MPI: variants seen among roughly 807,000 people sequenced by gnomAD.
MPI encodes the protein mannose phosphate isomerase, also known as mannose-6-phosphate isomerase.
In MPI, 33 loss-of-function variants were observed where a neutral mutation model predicts 40.1. That is an observed-to-expected ratio of 0.82 (90% CI 0.62 to 1.10). MPI has a LOEUF of 1.10. Among genes scored for constraint, MPI ranks in the 50% least tolerant of loss-of-function variants. MPI has a pLI of 0.00. For missense variants in MPI, 514 were observed against 524.1 expected, an observed-to-expected ratio of 0.98 and a Z score of 0.19; for synonymous variants, 187 against 207.4, an observed-to-expected ratio of 0.90 and a Z score of 0.85.
chr15:74,896,202 C>G lies in MPI; in HGVS notation c.721C>G (p.Leu241Val). The G allele has an allele frequency of 6.2e-7, 1 of 1,614,206 alleles. No individual in the cohort carries two copies. Residue 241 changes from leucine to valine, a missense_variant, in exon 6 of 8, where the codon CTG becomes GTG. Leu to Val is a conservative substitution (Grantham distance 32). Coordinates refer to ENST00000352410, the MANE Select transcript of MPI (RefSeq NM_002435.3). ...CATCTTTGGGGAGCTTTTGCTACAG[C>G]TGCACCAGCAGTACCCAGGTGATAT... ...EDIFGELLLQ[L>V]HQQYPGDIGC...
chr15:74,896,171 G>T lies in MPI; in HGVS notation c.690G>T (p.Met230Ile). ...ISQQAAAGNN[M>I]EDIFGELLLQ... Reference sequence around the variant, plus strand: ...CCTCAGCGGCTGCCGGAAACAACATGGAGGACATCTTTGGGGAGCTTTTGC... The same window carrying T: ...CCTCAGCGGCTGCCGGAAACAACATTGAGGACATCTTTGGGGAGCTTTTGC... Residue 230 changes from methionine (M) to isoleucine (I), a missense_variant, in exon 6 of 8, where the codon ATG becomes ATT. By Grantham distance (10) the Met-to-Ile change is conservative. Transcript: ENST00000352410. 1 of 1,614,156 alleles carries T rather than the reference G, an allele frequency of 6.2e-7. No individual in the cohort carries two copies. Among genetic ancestry groups the T allele is most frequent in the African/African-American group, 1.3e-5 (1 of 75,046 alleles).
chr15:74,894,654 G>C (rs1193293061), intron 5 of MPI, among the ~76,000 whole-genome samples: 1 of 150,812 alleles, frequency 6.6e-6, no homozygotes, highest in Non-Finnish European at 1.5e-5. Flanking sequence ...GGGCATGGTG[G>C]TGTGTGCCTG....
intron 7 of MPI, 118 bp from the exon 8 acceptor site, chr15:74,897,394 C>G: frequency 7.6e-7 from 1 of 1,311,836 alleles, no homozygotes; most frequent in Non-Finnish European, 1.1e-6. Flanking sequence ...GCTGACTGAG[C>G]CTGGGTTGTG....
intron 5 of MPI, among the ~76,000 whole-genome samples, chr15:74,894,088 GTGTGTGTGTGTGTGTGTGT>G (rs1567267182): frequency 3.3e-5 from 2 of 59,756 alleles, no homozygotes; most frequent in African/African-American, 7.9e-5. Flanking sequence ...GTGTGTGTGT[GTGTGTGTGTGTGTGTGTGT>G]GGTCTCTTTC....
rs376746368 is a variant in MPI, at chr15:74,890,571, A to G, written c.61A>G (p.Met21Val). ...CAVQQYAWGK[M>V]GSNSEVARLL... ...GGTGCAGCAGTATGCCTGGGGGAAG[A>G]TGGGTTCCAACAGCGAAGTGGCGCG... Residue 21 changes from methionine (M) to valine (V), a missense_variant, in exon 2 of 8, where the codon ATG becomes GTG. Met to Val is a conservative substitution (Grantham distance 21, BLOSUM62 1). Transcript: ENST00000352410. 64 of 1,614,028 alleles carry G rather than the reference A, an allele frequency of 4.0e-5. No homozygotes were observed. The Admixed American group carries it at 1.0e-3, about 26-fold the overall frequency.
chr15:74,894,039 AGTGTGTGTGTGTGTGTGTGTGTGT>A (rs1163375284), intron 5 of MPI, among the ~76,000 whole-genome samples: 801 of 57,018 alleles, frequency 0.014, 28 homozygotes, highest in African/African-American at 0.035. Flanking sequence ...TTTTCTGTTC[AGTGTGTGTGTGTGTGTGTGTGTGT>A]GTGTGTGTGT....
chr15:74,894,075 T>TGTGTGTGTGTGTGTG (rs2064771976), intron 5 of MPI, among the ~76,000 whole-genome samples: 1 of 61,170 alleles, frequency 1.6e-5, no homozygotes. Context: ...TGTGTGTGTG[T>TGTGTGTGTGTGTGTG]GTGTGTGTGT....
chr15:74,896,942 T>C (rs2064826986), intron 6 of MPI, 69 bp from the exon 7 acceptor site: 2 of 1,474,290 alleles, frequency 1.4e-6, no homozygotes, highest in Non-Finnish European at 1.9e-6. Flanking sequence ...GGAGCTCAGG[T>C]TAGGAGGCCC....
rs945452303 is a variant in MPI, at chr15:74,898,134, C to T, written c.*404C>T. ...CTAGCGATGGGACTGCCCATTTCCTCAGCTGCAGAGGAGGAAAGGGAAAGG... is the reference window on the plus strand; with the variant it reads ...CTAGCGATGGGACTGCCCATTTCCTTAGCTGCAGAGGAGGAAAGGGAAAGG... On this transcript the variant is annotated 3_prime_UTR_variant, in exon 8 of 8. Coordinates refer to ENST00000352410, the MANE Select transcript of MPI (RefSeq NM_002435.3). 2.8e-6 allele frequency: 1 copy of T among 352,472 alleles called. No homozygotes were observed. 21.8% of individuals were successfully genotyped at this position (352,472 alleles called of 1,614,324 possible).
In MPI at chr15:74,901,750, C is replaced by T. The variant is rs1179541065; in HGVS notation, c.*4020C>T. 9.6e-6 allele frequency: 2 copies of T among 208,694 alleles called. No homozygotes were observed. Among genetic ancestry groups the T allele is most frequent in the African/African-American group, 2.3e-5 (1 of 43,812 alleles). 12.9% of individuals were successfully genotyped at this position (208,694 alleles called of 1,614,324 possible). A position where few individuals can be genotyped will look rare whatever the true frequency, so the allele number is the denominator to read the frequency against. ...TAAACAATAGGAAGGCACCGGACTG[C>T]TCCCTGTAGCTCCCTCTGCTGGTAA... On this transcript the variant is annotated 3_prime_UTR_variant, in exon 8 of 8. Coordinates refer to ENST00000352410, the MANE Select transcript of MPI (RefSeq NM_002435.3).
chr15:74,898,737 C>T lies in MPI; in HGVS notation c.*1007C>T, dbSNP rs2064862471. On this transcript the variant is annotated 3_prime_UTR_variant, in exon 8 of 8. Coordinates refer to ENST00000352410, the MANE Select transcript of MPI (RefSeq NM_002435.3). The stretch of plus-strand genomic sequence containing the variant: ...GGTATTTTTAGTAGAGATGGGGTTT[C>T]ACTGTGTTAGCCAGGATGGTCTCGA... The T allele has an allele frequency of 6.6e-6, 1 of 152,182 alleles. No individual in the cohort carries two copies. Among genetic ancestry groups the T allele is most frequent in the Non-Finnish European group, 1.5e-5 (1 of 68,086 alleles). 9.4% of individuals were successfully genotyped at this position (152,182 alleles called of 1,614,324 possible). A position where few individuals can be genotyped will look rare whatever the true frequency, so the allele number is the denominator to read the frequency against.
intron 1 of MPI, 151 bp downstream of exon 1, chr15:74,890,240 A>T (rs1016890596): frequency 3.4e-6 from 4 of 1,162,028 alleles, no homozygotes; most frequent in Non-Finnish European, 3.7e-6. Flanking sequence ...TGCGATGGGG[A>T]TTGACCTCCG....
chr15:74,897,382 A>G (rs2064836428), intron 7 of MPI, 130 bp from the exon 8 acceptor site: 4 of 1,286,752 alleles, frequency 3.1e-6, no homozygotes, highest in Admixed American at 3.8e-5. Flanking sequence ...CCAGGCCTCT[A>G]TGCTGACTGA....
intron 5 of MPI, among the ~76,000 whole-genome samples, chr15:74,894,089 T>TTTTCTGA (rs1567267185): frequency 8.9e-5 from 5 of 56,096 alleles, no homozygotes; most frequent in African/African-American, 2.6e-4. Flanking sequence ...TGTGTGTGTG[T>TTTTCTGA]GTGTGTGTGT....
Position 74,891,397 on chromosome 15 carries a change from C to G in MPI, c.163C>G (p.Pro55Ala). 6.2e-7 allele frequency: 1 copy of G among 1,614,140 alleles called. No homozygotes were observed. Among genetic ancestry groups the G allele is most frequent in the Non-Finnish European group, 8.5e-7 (1 of 1,180,030 alleles). Reference sequence around the variant, plus strand: ...TTTCCAGTTGTGGATGGGGACTCACCCCCGAGGGGATGCCAAGATCCTTGA... The same window carrying G: ...TTTCCAGTTGTGGATGGGGACTCACGCCCGAGGGGATGCCAAGATCCTTGA... The part of the protein sequence containing the change: ...PYAELWMGTH[P>A]RGDAKILDNR... Residue 55 changes from proline to alanine, a missense_variant, in exon 3 of 8, where the codon CCC becomes GCC. Transcript: ENST00000352410.
Position 74,896,180 on chromosome 15 carries a change from C to A in MPI, c.699C>A (p.Ile233=). ...QAAAGNNMED[I]FGELLLQLHQ... is the part of the protein sequence containing the mutation. Reference sequence around the variant, plus strand: ...CTGCCGGAAACAACATGGAGGACATCTTTGGGGAGCTTTTGCTACAGCTGC... The same window carrying A: ...CTGCCGGAAACAACATGGAGGACATATTTGGGGAGCTTTTGCTACAGCTGC... Residue 233 remains isoleucine, a synonymous_variant, in exon 6 of 8, where the codon ATC becomes ATA. Coordinates refer to ENST00000352410, the MANE Select transcript of MPI (RefSeq NM_002435.3). 1 of 1,614,158 alleles carries A rather than the reference C, an allele frequency of 6.2e-7. No homozygotes were observed. Among genetic ancestry groups the A allele is most frequent in the South Asian group, 1.1e-5 (1 of 91,086 alleles).
chr15:74,890,079 C>A lies in MPI; in HGVS notation c.6C>A (p.Ala2=), dbSNP rs149477499. The part of the protein sequence containing the change: M[A]APRVFPLSCA... ...TCCTGGTGCAGGGGGCGAGCATGGC[C>A]GCTCCGCGAGGTGAGCCATTGGCTG... The change falls in exon 1 of 8, where the codon GCC becomes GCA. Residue 2 remains alanine (A), a synonymous_variant. Coordinates refer to ENST00000352410, the MANE Select transcript of MPI (RefSeq NM_002435.3). 3.0e-5 allele frequency: 48 copies of A among 1,607,700 alleles called. No individual in the cohort carries two copies. The highest frequency in any genetic ancestry group is 3.9e-5 in the Non-Finnish European group (46 of 1,179,966).
chr15:74,892,765 C>T lies in MPI; in HGVS notation c.450C>T (p.Gly150=). Residue 150 remains glycine, a synonymous_variant, in exon 4 of 8, where the codon GGC becomes GGT. Coordinates refer to ENST00000352410, the MANE Select transcript of MPI (RefSeq NM_002435.3). ...TCACCCCCTTCCAGGGCTTGTGTGG[C>T]TTCCGGCCAGTTGAGGAGATTGTAA... The part of the protein sequence containing the change: ...IALTPFQGLC[G]FRPVEEIVTF... 6.2e-7 allele frequency: 1 copy of T among 1,614,262 alleles called. No homozygotes were observed. The highest frequency in any genetic ancestry group is 8.5e-7 in the Non-Finnish European group (1 of 1,180,048).
intron 1 of MPI, 28 bp downstream of exon 1, chr15:74,890,117 G>T: frequency 6.2e-7 from 1 of 1,607,516 alleles, no homozygotes; most frequent in Non-Finnish European, 8.5e-7. Flanking sequence ...GTGTCGGCGA[G>T]TGTGTTCGTG....
Sources: gnomAD v4.1 joint callset for allele counts (sites outside exome capture counted in the v4.1 genomes callset) on GRCh38, gnomAD v4.1.1 for gene constraint, MANE v1.5 for transcripts, NCBI Gene and HGNC (gene_info 2026-07-23, HGNC 2026-07-21) for gene names.